Variants in RABGAP1L observed in about 807,000 individuals in gnomAD.
RABGAP1L encodes the protein rab GTPase-activating protein 1-like.
A neutral mutation model predicts 137.7 loss-of-function variants in RABGAP1L; 63 were observed. The ratio of observed to expected loss-of-function variants is 0.46; its 90% CI spans 0.37 to 0.56. RABGAP1L has a LOEUF of 0.56. Among genes scored for constraint, RABGAP1L ranks in the 20% least tolerant of loss-of-function variants. The probability of loss-of-function intolerance (pLI) is 0.00; values close to 1 mark genes in which losing one functional copy is unlikely to be tolerated. For missense variants in RABGAP1L, 1,095 were observed against 1,244.0 expected (o/e 0.88, Z 1.80); for synonymous variants, 431 against 433.7 (o/e 0.99, Z 0.08).
At chr1:174,223,837 A>T (rs1669962441) in intron 3 of RABGAP1L, among the ~76,000 whole-genome samples, 1 of 152,224 alleles carries the variant, frequency 6.6e-6, no homozygotes. Context: ...TACAGTGATT[A>T]AACCAATGTG....
At chr1:174,488,998 A>G (rs568850869) in intron 13 of RABGAP1L, among the ~76,000 whole-genome samples, 5 of 139,012 alleles carry the variant, frequency 3.6e-5, no homozygotes, top group East Asian at 4.4e-4. Context: ...CTTCCCACCT[A>G]TGAGTGAGAA....
intron 1 of RABGAP1L, among the ~76,000 whole-genome samples, chr1:174,191,358 A>C (rs186436800): frequency 1.3e-5 from 2 of 152,340 alleles, no homozygotes; most frequent in African/African-American, 2.4e-5. Flanking sequence ...CTGACACTAC[A>C]TACCTGGTTT....
chr1:174,790,271 G>A (rs1298131195), intron 18 of RABGAP1L, among the ~76,000 whole-genome samples: 2 of 151,892 alleles, frequency 1.3e-5, no homozygotes, highest in East Asian at 3.9e-4. Context: ...GGTGATAAAT[G>A]TCATAAAAGA....
At chr1:174,181,705 C>T (rs1386343209) in intron 1 of RABGAP1L, among the ~76,000 whole-genome samples, 2 of 152,146 alleles carry the variant, frequency 1.3e-5, no homozygotes, top group Non-Finnish European at 2.9e-5. Context: ...CAAGCCCCCA[C>T]AGATACTAAG....
chr1:174,392,838 G>GT (rs1647319553), intron 12 of RABGAP1L, among the ~76,000 whole-genome samples: 1 of 152,190 alleles, frequency 6.6e-6, no homozygotes, highest in Admixed American at 6.5e-5. Flanking sequence ...AGAGCCTGGG[G>GT]TGTTAGATCA....
chr1:174,488,496 T>G (rs891184879), intron 13 of RABGAP1L, among the ~76,000 whole-genome samples: 1 of 152,126 alleles, frequency 6.6e-6, no homozygotes, highest in African/African-American at 2.4e-5. Flanking sequence ...TATTAAATGT[T>G]TTGAAGTAGT....
At chr1:174,174,961 A>C (rs1485916725) in intron 1 of RABGAP1L, among the ~76,000 whole-genome samples, 1 of 152,220 alleles carries the variant, frequency 6.6e-6, no homozygotes, top group Non-Finnish European at 1.5e-5. Flanking sequence ...AGTTTAGTCA[A>C]GTTGACAACT....
chr1:174,355,605 A>C (rs1310737799), intron 11 of RABGAP1L, among the ~76,000 whole-genome samples: 1 of 151,992 alleles, frequency 6.6e-6, no homozygotes, highest in African/African-American at 2.4e-5. Context: ...CTAAAACTTA[A>C]AAGTATAATA....
chr1:174,726,284 T>C (rs563185250), intron 17 of RABGAP1L, among the ~76,000 whole-genome samples: 1 of 152,230 alleles, frequency 6.6e-6, no homozygotes, highest in African/African-American at 2.4e-5. Flanking sequence ...TATTAGTTAA[T>C]TTTCAGCAGA....
Position 174,600,532 on chromosome 1 carries a change from A to G in RABGAP1L, c.1711-36843A>G, listed in dbSNP as rs571720907. ...ACAATGGGGTACAGGTATTAGGTAA[A>G]TACATCCTTTCCAAATGGGAGAAAT... is the stretch of plus-strand genomic sequence containing the variant. On this transcript the variant is annotated intron_variant, in intron 13 of 25. Transcript: ENST00000681986. 5.1e-4 allele frequency among the ~76,000 whole-genome samples: 77 copies of G among 152,300 alleles called. 1 individual carries two copies. The highest frequency in any genetic ancestry group is 1.8e-3 in the African/African-American group (73 of 41,558).
At chr1:174,504,558 G>A (rs1429965827) in intron 13 of RABGAP1L, among the ~76,000 whole-genome samples, 1 of 151,982 alleles carries the variant, frequency 6.6e-6, no homozygotes, top group Non-Finnish European at 1.5e-5. Context: ...AGAAGAGAGG[G>A]CCCAGAAGTA....
intron 18 of RABGAP1L, among the ~76,000 whole-genome samples, chr1:174,781,215 A>T (rs1453546500): frequency 6.6e-6 from 1 of 152,190 alleles, no homozygotes; most frequent in Non-Finnish European, 1.5e-5. Context: ...ATTTCTCCAC[A>T]TCCTCTCCAG....
In RABGAP1L at chr1:174,831,524, A is replaced by G. The variant is rs960991392; in HGVS notation, c.2340+19564A>G. On this transcript the variant is annotated intron_variant, in intron 19 of 25. Transcript: ENST00000681986. ...AACAAAAGCTTTCCATATAATATCAACCTAACTATTCAGTGTTTTGCTATA... is the reference window on the plus strand; with the variant it reads ...AACAAAAGCTTTCCATATAATATCAGCCTAACTATTCAGTGTTTTGCTATA... Among the ~76,000 whole-genome samples the G allele has an allele frequency of 1.5e-4, 22 of 147,984 alleles. 3 individuals carry two copies. The highest frequency in any genetic ancestry group is 4.9e-4 in the African/African-American group (20 of 40,576).
chr1:174,823,877 G>T (rs1172909514), intron 19 of RABGAP1L, among the ~76,000 whole-genome samples: 1 of 152,168 alleles, frequency 6.6e-6, no homozygotes, highest in East Asian at 1.9e-4. Context: ...TGGGTAAGTG[G>T]CTCATGCCTG....
chr1:174,522,218 T>C (rs1245061660), intron 13 of RABGAP1L, among the ~76,000 whole-genome samples: 1 of 152,106 alleles, frequency 6.6e-6, no homozygotes, highest in Non-Finnish European at 1.5e-5. Flanking sequence ...TTGCCAGGAC[T>C]GTGGATATTG....
rs184064203 is a variant in RABGAP1L at position 174,656,194 on chromosome 1, C to T, written c.1824+18706C>T. 1.7e-4 allele frequency among the ~76,000 whole-genome samples: 26 copies of T among 152,264 alleles called. No individual in the cohort carries two copies. The East Asian group carries it at 3.9e-3, about 23-fold the overall frequency. On this transcript the variant is annotated intron_variant, in intron 14 of 25. Coordinates refer to ENST00000681986, the MANE Select transcript of RABGAP1L (RefSeq NM_001366446.1). The stretch of plus-strand genomic sequence containing the variant: ...AATTCAGGCTGGGCATAGTGGCTTA[C>T]GCCTGTAATCCCAGCACTTTGGGAG...
At chr1:174,732,167 C>G (rs941717752) in intron 17 of RABGAP1L, among the ~76,000 whole-genome samples, 2 of 150,958 alleles carry the variant, frequency 1.3e-5, no homozygotes, top group Admixed American at 6.6e-5. Flanking sequence ...CCACTGCATT[C>G]CAGCCTGGCG....
At chr1:174,193,270 G>C (rs1217978895) in intron 1 of RABGAP1L, among the ~76,000 whole-genome samples, 1 of 152,200 alleles carries the variant, frequency 6.6e-6, no homozygotes, top group East Asian at 1.9e-4. Flanking sequence ...GGTGGCTCAC[G>C]CCTGTAATCC....
chr1:174,415,636 CTT>C (rs1471992351), intron 13 of RABGAP1L, among the ~76,000 whole-genome samples: 2 of 151,942 alleles, frequency 1.3e-5, no homozygotes, highest in African/African-American at 2.4e-5. Context: ...TCATTTTGCT[CTT>C]TATATCTTCA....
Sources: gnomAD v4.1 joint callset for allele counts (sites outside exome capture counted in the v4.1 genomes callset) on GRCh38, gnomAD v4.1.1 for gene constraint, MANE v1.5 for transcripts, NCBI Gene and HGNC (gene_info 2026-07-23, HGNC 2026-07-21) for gene names.